Variants in SAMD13 observed in about 807,000 individuals in gnomAD.
The protein encoded by SAMD13 is sterile alpha motif domain-containing protein 13.
SAMD13 carries 9 observed loss-of-function variants against 12.4 expected under a neutral mutation model. The observed-to-expected ratio is 0.72, with a 90% CI of 0.44 to 1.26. The LOEUF is 1.26. Ranked by LOEUF, SAMD13 falls within the 50% of genes most tolerant of loss-of-function variation. The pLI, the probability that SAMD13 is intolerant of heterozygous loss-of-function variation, is 0.00. For synonymous variants in SAMD13, 46 were observed against 45.4 expected, an observed-to-expected ratio of 1.01 and a Z score of -0.05; for missense variants, 84 against 119.6, an observed-to-expected ratio of 0.70 and a Z score of 1.39.
chr1:84,311,332 TAA>T (rs757714939), intron 2 of SAMD13, among the ~76,000 whole-genome samples: 1 of 112,238 alleles, frequency 8.9e-6, no homozygotes, highest in Non-Finnish European at 1.8e-5. Flanking sequence ...TGAGACTGTC[TAA>T]AAAAAAAAAA....
upstream of SAMD13, among the ~76,000 whole-genome samples, chr1:84,300,449 C>T (rs961980837): frequency 2.6e-5 from 4 of 152,128 alleles, no homozygotes; most frequent in Non-Finnish European, 4.4e-5. Context: ...AAGGTAATCT[C>T]CTAATGTCCT....
At chr1:84,336,040 G>A (rs1278427351) in intron 3 of SAMD13, among the ~76,000 whole-genome samples, 2 of 152,110 alleles carry the variant, frequency 1.3e-5, no homozygotes, top group Admixed American at 6.5e-5. Context: ...TGGTCATTTT[G>A]TATAGTATCT....
chr1:84,330,634 A>G (rs1368052267), intron 3 of SAMD13, among the ~76,000 whole-genome samples: 1 of 152,200 alleles, frequency 6.6e-6, no homozygotes, highest in Non-Finnish European at 1.5e-5. Flanking sequence ...GTGGCAATCT[A>G]GTACAGTAAC....
At position 84,303,269 on chromosome 1, in the gene SAMD13, G is replaced by C; in HGVS notation, c.35G>C (p.Gly12Ala). Residue 12 changes from glycine (G) to alanine (A), a missense_variant, in exon 2 of 4, where the codon GGC becomes GCC. By Grantham distance (60) the Gly-to-Ala change is moderately conservative. Transcript: ENST00000394834. ...LSVDMENKEN[G>A]SVGVKNSMEN... Reference sequence around the variant, plus strand: ...GTTGACATGGAAAACAAGGAAAATGGCTCTGTCGGTGTAAAAAAGTAAGTG... The same window carrying C: ...GTTGACATGGAAAACAAGGAAAATGCCTCTGTCGGTGTAAAAAAGTAAGTG... The C allele has an allele frequency of 6.2e-7, 1 of 1,612,700 alleles. No individual in the cohort carries two copies. Among genetic ancestry groups the C allele is most frequent in the South Asian group, 1.1e-5 (1 of 91,040 alleles).
intron 3 of SAMD13, among the ~76,000 whole-genome samples, chr1:84,328,742 GAAA>G (rs1333234280): frequency 1.3e-5 from 2 of 152,136 alleles, no homozygotes; most frequent in African/African-American, 4.8e-5. Context: ...ATCCTGATTA[GAAA>G]ATGCAGGCCT....
At chr1:84,302,271 G>A (rs937774074) in intron 1 of SAMD13, among the ~76,000 whole-genome samples, 5 of 151,440 alleles carry the variant, frequency 3.3e-5, no homozygotes, top group Non-Finnish European at 4.4e-5. Flanking sequence ...AGTGATTTGA[G>A]TGGAAATGTA....
chr1:84,345,432 A>G (rs1679514990), intron 3 of SAMD13, among the ~76,000 whole-genome samples: 1 of 152,168 alleles, frequency 6.6e-6, no homozygotes, highest in East Asian at 1.9e-4. Context: ...GAGGAGGGGA[A>G]TGTGCCAGAT....
At chr1:84,330,023 C>T (rs1261490127) in intron 3 of SAMD13, among the ~76,000 whole-genome samples, 1 of 152,204 alleles carries the variant, frequency 6.6e-6, no homozygotes, top group Non-Finnish European at 1.5e-5. Context: ...AGTACCACCT[C>T]TCTTTCCCAC....
chr1:84,308,072 C>T (rs1307986095), intron 2 of SAMD13, among the ~76,000 whole-genome samples: 3 of 152,200 alleles, frequency 2.0e-5, no homozygotes, highest in African/African-American at 7.2e-5. Context: ...AAGCCTTCTT[C>T]AGGCAGTGAG....
rs569268114 is a variant in SAMD13 at position 84,315,038 on chromosome 1, CTTTG to C, written c.54-10595_54-10592del. ...TCTTTCTTTCTCTTTCTTTCTCTCT[CTTTG>C]TTTTTCTTTCCTTCCTTCTTTCTTT... On this transcript the variant is annotated intron_variant, in intron 2 of 3. Transcript: ENST00000394834. 2.8e-3 allele frequency among the ~76,000 whole-genome samples: 401 copies of C among 142,514 alleles called. 1 individual carries two copies. Among genetic ancestry groups the C allele is most frequent in the Middle Eastern group, 0.015 (4 of 272 alleles). 93.5% of individuals were successfully genotyped at this position (142,514 alleles called of 152,430 possible).
intron 3 of SAMD13, among the ~76,000 whole-genome samples, chr1:84,345,537 C>T (rs574838748): frequency 6.6e-6 from 1 of 152,182 alleles, no homozygotes; most frequent in Non-Finnish European, 1.5e-5. Context: ...CCATCTGGGA[C>T]AGTAGAGGCC....
intron 2 of SAMD13, among the ~76,000 whole-genome samples, chr1:84,322,059 C>G (rs902920703): frequency 6.6e-6 from 1 of 152,148 alleles, no homozygotes; most frequent in African/African-American, 2.4e-5. Context: ...TTCAAGTGTT[C>G]TAGGCAGGCG....
upstream of SAMD13, chr1:84,299,718 ACC>A: frequency 1.3e-6 from 1 of 778,108 alleles, no homozygotes; most frequent in Non-Finnish European, 1.7e-6. Context: ...TCAGTTTACT[ACC>A]AAAGTTAGAA....
chr1:84,312,114 A>C (rs1305239994), intron 2 of SAMD13, among the ~76,000 whole-genome samples: 2 of 147,262 alleles, frequency 1.4e-5, no homozygotes, highest in Non-Finnish European at 3.0e-5. Flanking sequence ...CAAAACTTCT[A>C]TAACTGAAAC....
intron 3 of SAMD13, among the ~76,000 whole-genome samples, chr1:84,346,207 A>AG (rs1679531419): frequency 6.6e-6 from 1 of 152,228 alleles, no homozygotes; most frequent in African/African-American, 2.4e-5. Flanking sequence ...GTAGTGTCTT[A>AG]GTCTAAAGCA....
At chr1:84,331,735 G>A (rs1679191291) in intron 3 of SAMD13, among the ~76,000 whole-genome samples, 1 of 152,006 alleles carries the variant, frequency 6.6e-6, no homozygotes, top group Non-Finnish European at 1.5e-5. Context: ...ACTTGTTGAA[G>A]TTTTTAAACT....
intron 2 of SAMD13, among the ~76,000 whole-genome samples, chr1:84,319,076 T>G (rs1222139738): frequency 6.6e-6 from 1 of 152,174 alleles, no homozygotes; most frequent in African/African-American, 2.4e-5. Context: ...GACTGCTGTT[T>G]CTTATATAGT....
chr1:84,312,615 G>A (rs79315265), intron 2 of SAMD13, among the ~76,000 whole-genome samples: 3,557 of 152,024 alleles, frequency 0.023, 110 homozygotes, highest in African/African-American at 0.064. Flanking sequence ...CAAATCAAAC[G>A]GGGGATGTAC....
chr1:84,316,120 C>T lies in SAMD13; in HGVS notation c.54-9517C>T, dbSNP rs145758275. Among the ~76,000 whole-genome samples, 846 of 152,144 alleles carry T rather than the reference C, an allele frequency of 5.6e-3. 5 individuals are homozygous for T. The highest frequency in any genetic ancestry group is 0.019 in the African/African-American group (794 of 41,538). On this transcript the variant is annotated intron_variant, in intron 2 of 3. Transcript: ENST00000394834. ...ATTCCTTATATATTTTAGAAAGTAA[C>T]CTCTTATCAGATATATAGTTTGCAA...
Sources: gnomAD v4.1 joint callset for allele counts (sites outside exome capture counted in the v4.1 genomes callset) on GRCh38, gnomAD v4.1.1 for gene constraint, MANE v1.5 for transcripts, NCBI Gene and HGNC (gene_info 2026-07-23, HGNC 2026-07-21) for gene names.